The following SEPTIN9 variants were observed in gnomAD, a reference collection of about 807,000 sequenced individuals.
SEPTIN9 encodes the protein septin 9, also known as septin-9.
A neutral mutation model predicts 56.6 loss-of-function variants in SEPTIN9; 13 were observed. The ratio of observed to expected loss-of-function variants is 0.23; its 90% CI spans 0.15 to 0.37. The LOEUF (loss-of-function observed/expected upper bound fraction) is 0.37. Ranked by LOEUF, SEPTIN9 falls within the 10% of genes least tolerant of loss-of-function variation. The pLI is 1.00. For synonymous variants in SEPTIN9, 332 were observed against 334.1 expected (o/e 0.99, Z 0.07); for missense variants, 650 against 823.1 (o/e 0.79, Z 2.57).
At chr17:77,321,384 TC>T (rs2032916109) in intron 2 of SEPTIN9, among the ~76,000 whole-genome samples, 1 of 150,070 alleles carries the variant, frequency 6.7e-6, no homozygotes, top group Admixed American at 6.6e-5. Context: ...CCACCACTGC[TC>T]CCAGGGCCAC....
At chr17:77,308,975 AG>A (rs1379022240) in intron 2 of SEPTIN9, among the ~76,000 whole-genome samples, 3 of 152,236 alleles carry the variant, frequency 2.0e-5, no homozygotes, top group Non-Finnish European at 4.4e-5. Context: ...GCTGTGGTTA[AG>A]AGGGGCTCCG....
chr17:77,299,273 C>T (rs2031938575), intron 1 of SEPTIN9, among the ~76,000 whole-genome samples: 1 of 152,242 alleles, frequency 6.6e-6, no homozygotes, highest in Non-Finnish European at 1.5e-5. Flanking sequence ...AAAAAGCTGT[C>T]TCTGTGCTCC....
chr17:77,350,900 C>T (rs190336796), intron 2 of SEPTIN9, among the ~76,000 whole-genome samples: 1 of 152,186 alleles, frequency 6.6e-6, no homozygotes, highest in East Asian at 1.9e-4. Context: ...CCTGAGGACC[C>T]TGCAGAGTGA....
At position 77,450,809 on chromosome 17, in the gene SEPTIN9, GC is replaced by G; in HGVS notation, c.722-31331del. 1.0e-6 allele frequency: 1 copy of G among 986,398 alleles called. No individual in the cohort carries two copies. Among genetic ancestry groups the G allele is most frequent in the Middle Eastern group, 5.2e-4 (1 of 1,928 alleles). 61.1% of individuals were successfully genotyped at this position (986,398 alleles called of 1,614,324 possible). On this transcript the variant is annotated intron_variant, in intron 3 of 11. Transcript: ENST00000427177. This position sits in a 1 kb window ranked among gnomAD's most constrained non-coding sequence, Gnocchi z 6.0. ...AGGGTGAGCTGCGCCCCCATCCCCT[GC>G]CCCTCCTCTCCTGCTCCTTCTCCCT...
intron 2 of SEPTIN9, among the ~76,000 whole-genome samples, chr17:77,308,450 G>A (rs772961195): frequency 2.0e-5 from 3 of 152,258 alleles, no homozygotes; most frequent in Non-Finnish European, 4.4e-5. Flanking sequence ...AGAACCTTCT[G>A]TGATGGTGGG....
At position 77,433,911 on chromosome 17, in the gene SEPTIN9, G is replaced by C. The variant is rs570899198; in HGVS notation, c.721+31208G>C. Among the ~76,000 whole-genome samples the C allele has an allele frequency of 5.3e-5, 8 of 152,318 alleles. No homozygotes were observed. The highest frequency in any genetic ancestry group is 1.9e-4 in the African/African-American group (8 of 41,556). On this transcript the variant is annotated intron_variant, in intron 3 of 11. Coordinates refer to ENST00000427177, the MANE Select transcript of SEPTIN9 (RefSeq NM_001113491.2). The surrounding 1 kb of genome is among the most constrained non-coding windows in gnomAD (Gnocchi z 6.4). ...TAGGACCTTCCGCCCGTTGGTGGAT[G>C]GGCAGAGAGGGGAGCTTGCTGTGGG...
intron 1 of SEPTIN9, chr17:77,288,126 C>A (rs950777312): frequency 3.8e-6 from 4 of 1,063,398 alleles, no homozygotes; most frequent in Non-Finnish European, 4.6e-6. Flanking sequence ...ACTCCTACCC[C>A]ACCCCGGCCT....
chr17:77,333,340 T>C (rs1598207257), intron 2 of SEPTIN9, among the ~76,000 whole-genome samples: 1 of 152,258 alleles, frequency 6.6e-6, no homozygotes, highest in East Asian at 1.9e-4. Flanking sequence ...ACTGATCTTT[T>C]GTCAGATACG....
At chr17:77,357,440 C>T (rs528898246) in intron 2 of SEPTIN9, among the ~76,000 whole-genome samples, 2 of 152,288 alleles carry the variant, frequency 1.3e-5, no homozygotes, top group Admixed American at 6.5e-5. Flanking sequence ...CACCTAGATT[C>T]TACCACTAAC....
chr17:77,385,723 G>A (rs1265739809), intron 2 of SEPTIN9, among the ~76,000 whole-genome samples: 3 of 152,192 alleles, frequency 2.0e-5, no homozygotes, highest in African/African-American at 7.2e-5. Context: ...GGCCTGGGGT[G>A]TCAGGTGGAG....
Position 77,389,961 on chromosome 17 carries a change from A to G in SEPTIN9, c.77-12098A>G, listed in dbSNP as rs187023075. Among the ~76,000 whole-genome samples the G allele has an allele frequency of 3.9e-5, 6 of 152,204 alleles. No homozygotes were observed. The highest frequency in any genetic ancestry group is 1.2e-4 in the African/African-American group (5 of 41,530). On this transcript the variant is annotated intron_variant, in intron 2 of 11. Transcript: ENST00000427177. This position sits in a 1 kb window ranked among gnomAD's most constrained non-coding sequence, Gnocchi z 4.3. ...AGAGGAAGTCCAGCAACTTAGCGCCACTTTAAAGTCCGCCTGGAATGACCC... is the reference window on the plus strand; with the variant it reads ...AGAGGAAGTCCAGCAACTTAGCGCCGCTTTAAAGTCCGCCTGGAATGACCC...
chr17:77,283,177 TTAA>T (rs1299721634), intron 1 of SEPTIN9, among the ~76,000 whole-genome samples: 4 of 148,376 alleles, frequency 2.7e-5, no homozygotes, highest in African/African-American at 1.0e-4. Flanking sequence ...TTTTTTTTTT[TTAA>T]AAAAAAGGAC....
In SEPTIN9 at chr17:77,450,418, T is replaced by A; in HGVS notation, c.722-31726T>A. On this transcript the variant is annotated intron_variant, in intron 3 of 11. Coordinates refer to ENST00000427177, the MANE Select transcript of SEPTIN9 (RefSeq NM_001113491.2). This position sits in a 1 kb window ranked among gnomAD's most constrained non-coding sequence, Gnocchi z 6.0. Reference sequence around the variant, plus strand: ...GCCCTCAGAAGGTGTCACCAAAGGCTTCTTTCCATTTGAGTGAATCCCTCC... The same window carrying A: ...GCCCTCAGAAGGTGTCACCAAAGGCATCTTTCCATTTGAGTGAATCCCTCC... The A allele has an allele frequency of 1.1e-6, 1 of 942,260 alleles. No homozygotes were observed. Among genetic ancestry groups the A allele is most frequent in the Non-Finnish European group, 1.3e-6 (1 of 790,454 alleles). 58.4% of individuals were successfully genotyped at this position (942,260 alleles called of 1,614,324 possible).
Position 77,449,341 on chromosome 17 carries a change from G to A in SEPTIN9, c.722-32803G>A, listed in dbSNP as rs934756349. On this transcript the variant is annotated intron_variant, in intron 3 of 11. Coordinates refer to ENST00000427177, the MANE Select transcript of SEPTIN9 (RefSeq NM_001113491.2). The surrounding 1 kb of genome is among the most constrained non-coding windows in gnomAD (Gnocchi z 4.6). Reference sequence around the variant, plus strand: ...GACCCTCATTTGGTGACAGCAAGAGGAACCACTGCAAGAGGGGCGGCCACC... The same window carrying A: ...GACCCTCATTTGGTGACAGCAAGAGAAACCACTGCAAGAGGGGCGGCCACC... Among the ~76,000 whole-genome samples, 41 of 152,252 alleles carry A rather than the reference G, an allele frequency of 2.7e-4. No individual in the cohort carries two copies. Among genetic ancestry groups the A allele is most frequent in the African/African-American group, 9.6e-4 (40 of 41,526 alleles).
At chr17:77,308,917 G>A (rs12453335) in intron 2 of SEPTIN9, among the ~76,000 whole-genome samples, 13,542 of 152,192 alleles carry the variant, frequency 0.089, 661 homozygotes, top group Non-Finnish European at 0.11. Context: ...GTGGGAAGAG[G>A]GGGGTGATGC....
At chr17:77,340,299 C>T (rs1464194863) in intron 2 of SEPTIN9, among the ~76,000 whole-genome samples, 1 of 151,706 alleles carries the variant, frequency 6.6e-6, no homozygotes, top group Non-Finnish European at 1.5e-5. Flanking sequence ...TGACACCATG[C>T]CTGAATAATT....
At chr17:77,465,068 A>G (rs2038655918) in intron 3 of SEPTIN9, among the ~76,000 whole-genome samples, 1 of 152,164 alleles carries the variant, frequency 6.6e-6, no homozygotes, top group South Asian at 2.1e-4. Context: ...TGTTCTAGAT[A>G]GTTTGTATAA....
chr17:77,286,289 C>T (rs557319032), intron 1 of SEPTIN9: 5 of 152,546 alleles, frequency 3.3e-5, no homozygotes, highest in South Asian at 2.1e-4. Context: ...CACGCCAGAC[C>T]GCAGGCACTT....
chr17:77,445,143 C>A lies in SEPTIN9; in HGVS notation c.722-37001C>A, dbSNP rs1490701926. 1 of 469,500 alleles carries A rather than the reference C, an allele frequency of 2.1e-6. No individual in the cohort carries two copies. Among genetic ancestry groups the A allele is most frequent in the East Asian group, 7.0e-5 (1 of 14,368 alleles). The allele number at this position is 469,500 out of a possible 1,614,324, so 29.1% of individuals were successfully genotyped here. On this transcript the variant is annotated intron_variant, in intron 3 of 11. Transcript: ENST00000427177. This position sits in a 1 kb window ranked among gnomAD's most constrained non-coding sequence, Gnocchi z 4.7. Reference sequence around the variant, plus strand: ...CTCAGGGTTTCCCCAGCCTGCCAACCCAAGGGTGGCAGGAGCTGTGGGTGC... The same window carrying A: ...CTCAGGGTTTCCCCAGCCTGCCAACACAAGGGTGGCAGGAGCTGTGGGTGC...
Sources: allele counts gnomAD v4.1 joint callset (sites outside exome capture counted in the v4.1 genomes callset), GRCh38; gene constraint gnomAD v4.1.1; non-coding constraint Gnocchi (gnomAD v3.1); transcripts MANE v1.5; gene names NCBI Gene and HGNC (gene_info 2026-07-23, HGNC 2026-07-21).